The following RBFOX1 variants were observed in gnomAD, a reference collection of about 807,000 sequenced individuals.
RBFOX1 encodes the protein RNA binding fox-1 homolog 1, also known as RNA binding protein fox-1 homolog 1.
In RBFOX1, 8 loss-of-function variants were observed where a neutral mutation model predicts 57.7. The ratio of observed to expected loss-of-function variants is 0.14; its 90% confidence interval spans 0.08 to 0.25. RBFOX1 has a LOEUF of 0.25. Ranked by LOEUF, RBFOX1 falls within the 10% of genes least tolerant of loss-of-function variation. The probability of loss-of-function intolerance (pLI) is 1.00; values close to 1 mark genes in which losing one functional copy is unlikely to be tolerated. For synonymous variants in RBFOX1, 326 were observed against 222.4 expected (o/e 1.47, Z -4.15); for missense variants, 611 against 548.5 (o/e 1.11, Z -1.14).
intron 3 of RBFOX1, among the ~76,000 whole-genome samples, chr16:5,800,479 G>T (rs1420350617): frequency 6.6e-6 from 1 of 152,176 alleles, no homozygotes; most frequent in Non-Finnish European, 1.5e-5. Context: ...AGGCCAGGGT[G>T]TGAGTAGACG....
intron 4 of RBFOX1, among the ~76,000 whole-genome samples, chr16:7,083,949 T>G (rs1172546386): frequency 6.6e-6 from 1 of 152,052 alleles, no homozygotes; most frequent in African/African-American, 2.4e-5. Flanking sequence ...GCAGCTGTTT[T>G]TTTCCTGGGA....
Position 5,598,124 on chromosome 16 carries a change from C to G in RBFOX1, c.259-778C>G, listed in dbSNP as rs2047247834. ...CCAGCCTGGCCAACATGGCGATTCC[C>G]TGTATCTACTAAAAATACAAAAACT... On this transcript the variant is annotated intron_variant, in intron 2 of 2. Coordinates refer to the RBFOX1 transcript ENST00000585867. 1.3e-5 allele frequency among the ~76,000 whole-genome samples: 2 copies of G among 151,936 alleles called. 1 individual carries two copies. The highest frequency in any genetic ancestry group is 1.3e-4 in the Admixed American group (2 of 15,240).
intron 1 of RBFOX1, among the ~76,000 whole-genome samples, chr16:5,452,181 C>T (rs1322387772): frequency 1.4e-4 from 21 of 147,682 alleles, no homozygotes; most frequent in African/African-American, 1.0e-4. Context: ...TGCAGTGGCA[C>T]GATCTCAGCT....
intron 4 of RBFOX1, among the ~76,000 whole-genome samples, chr16:7,487,369 A>G (rs749874694): frequency 1.3e-5 from 2 of 152,014 alleles, no homozygotes; most frequent in Admixed American, 1.3e-4. Flanking sequence ...ACTTCATATC[A>G]ATGTGTTTAT....
chr16:7,686,154 G>T (rs188834536), intron 14 of RBFOX1, among the ~76,000 whole-genome samples: 2 of 151,618 alleles, frequency 1.3e-5, no homozygotes, highest in African/African-American at 4.8e-5. Context: ...CAGCATCACT[G>T]AACTGTGGGA....
chr16:7,116,152 G>A (rs934440549), intron 4 of RBFOX1, among the ~76,000 whole-genome samples: 3 of 152,068 alleles, frequency 2.0e-5, no homozygotes, highest in Non-Finnish European at 2.9e-5. Context: ...TCTCTTCTCC[G>A]TGTCATGCAC....
intron 1 of RBFOX1, among the ~76,000 whole-genome samples, chr16:6,274,992 A>G (rs1010326590): frequency 3.3e-5 from 5 of 152,312 alleles, no homozygotes; most frequent in South Asian, 2.1e-4. Context: ...TTTAGCTGAG[A>G]TATGTCGCTC....
chr16:7,692,969 C>A (rs903847536), intron 14 of RBFOX1, among the ~76,000 whole-genome samples: 9 of 151,778 alleles, frequency 5.9e-5, no homozygotes, highest in Non-Finnish European at 1.2e-4. Flanking sequence ...AATCATTAGT[C>A]CCATTTTAAA....
At chr16:6,735,164 A>G (rs976451519) in intron 3 of RBFOX1, among the ~76,000 whole-genome samples, 1 of 137,458 alleles carries the variant, frequency 7.3e-6, no homozygotes, top group Non-Finnish European at 1.5e-5. Flanking sequence ...AAACAACAAC[A>G]ACATCAACAA....
At chr16:6,533,150 C>T (rs1307244153) in intron 2 of RBFOX1, among the ~76,000 whole-genome samples, 1 of 152,182 alleles carries the variant, frequency 6.6e-6, no homozygotes, top group Non-Finnish European at 1.5e-5. Context: ...AGTACAGGAA[C>T]AGGAAAGACA....
intron 2 of RBFOX1, among the ~76,000 whole-genome samples, chr16:6,614,625 T>C (rs954050522): frequency 2.0e-5 from 3 of 152,198 alleles, no homozygotes; most frequent in Non-Finnish European, 4.4e-5. Context: ...GCTTGGTTCC[T>C]TCTGCAGGAT....
chr16:5,457,758 G>A (rs2068673893), intron 1 of RBFOX1, among the ~76,000 whole-genome samples: 1 of 152,188 alleles, frequency 6.6e-6, no homozygotes, highest in Non-Finnish European at 1.5e-5. Context: ...TATCTGTGTG[G>A]ACTCACTTCC....
chr16:7,199,939 T>G (rs569820137), intron 4 of RBFOX1, among the ~76,000 whole-genome samples: 1 of 151,926 alleles, frequency 6.6e-6, no homozygotes, highest in Non-Finnish European at 1.5e-5. Flanking sequence ...ACAAAGAAAT[T>G]AGACAAAAGA....
At chr16:5,629,051 A>C (rs1458767323) in intron 3 of RBFOX1, among the ~76,000 whole-genome samples, 1 of 152,210 alleles carries the variant, frequency 6.6e-6, no homozygotes, top group East Asian at 1.9e-4. Context: ...TAGGGCAAAC[A>C]AATGCACCAG....
chr16:6,847,068 G>A (rs1470654238), intron 3 of RBFOX1, among the ~76,000 whole-genome samples: 1 of 152,140 alleles, frequency 6.6e-6, no homozygotes, highest in Non-Finnish European at 1.5e-5. Context: ...CTTGTAAAGT[G>A]AAGCATCTTT....
At chr16:5,821,017 G>C (rs879628778) in intron 3 of RBFOX1, among the ~76,000 whole-genome samples, 3 of 152,128 alleles carry the variant, frequency 2.0e-5, no homozygotes, top group Admixed American at 2.0e-4. Flanking sequence ...CAGTCCTCAA[G>C]TGCCTGATTT....
At chr16:6,972,917 A>G (rs965009565) in intron 3 of RBFOX1, among the ~76,000 whole-genome samples, 2 of 152,166 alleles carry the variant, frequency 1.3e-5, no homozygotes, top group African/African-American at 2.4e-5. Context: ...TGAGGTCAGG[A>G]GTTCGAGGCC....
At chr16:5,417,830 C>G (rs1372633524) in intron 1 of RBFOX1, among the ~76,000 whole-genome samples, 1 of 152,176 alleles carries the variant, frequency 6.6e-6, no homozygotes, top group Admixed American at 6.5e-5. Context: ...CCTGTAATCC[C>G]AGCACTTTGA....
chr16:7,384,992 A>G lies in RBFOX1; in HGVS notation c.28-133155A>G, dbSNP rs77392698. ...AGTTGACATTTAAGCTGAGCTCGCAATGGCAAATCATGCCAAGGCAGAGAG... is the reference window on the plus strand; with the variant it reads ...AGTTGACATTTAAGCTGAGCTCGCAGTGGCAAATCATGCCAAGGCAGAGAG... On this transcript the variant is annotated intron_variant, in intron 4 of 15. Coordinates refer to ENST00000550418, the MANE Select transcript of RBFOX1 (RefSeq NM_018723.4). Among the ~76,000 whole-genome samples the G allele has an allele frequency of 8.1e-4, 123 of 152,334 alleles. 3 individuals carry two copies. The East Asian group carries it at 0.022, about 27-fold the overall frequency.
Sources: gnomAD v4.1 joint callset for allele counts (sites outside exome capture counted in the v4.1 genomes callset) on GRCh38, gnomAD v4.1.1 for gene constraint, MANE v1.5 for transcripts, NCBI Gene and HGNC (gene_info 2026-07-23, HGNC 2026-07-21) for gene names.